Variants in DIP2C observed in about 807,000 individuals in gnomAD.
DIP2C encodes the protein DIP2 acetate--CoA ligase C (putative), also known as disco-interacting protein 2 homolog C.
DIP2C carries 33 observed loss-of-function variants against 192.4 expected under a neutral mutation model. The ratio of observed to expected loss-of-function variants is 0.17; its 90% CI spans 0.13 to 0.23. The LOEUF is 0.23. DIP2C is among the 10% of genes least tolerant of loss of function. DIP2C has a pLI of 1.00. For synonymous variants in DIP2C, 979 were observed against 864.1 expected (o/e 1.13, Z -2.33); for missense variants, 1,537 against 2,110.1 (o/e 0.73, Z 5.32).
chr10:399,190 C>T lies in DIP2C; in HGVS notation c.1179G>A (p.Pro393=), dbSNP rs757947561. ...CGTAGAAAGCCGCCATGAAGGCAGC[C>T]GGATCATTGTTGGGGAACACCAGTG... ...RVALVFPNND[P]AAFMAAFYGC... Residue 393 remains proline (P), a synonymous_variant, in exon 10 of 37, where the codon CCG becomes CCA. Transcript: ENST00000280886. The T allele has an allele frequency of 2.3e-5, 37 of 1,614,066 alleles. No homozygotes were observed. Among genetic ancestry groups the T allele is most frequent in the East Asian group, 1.6e-4 (7 of 44,882 alleles).
intron 10 of DIP2C, among the ~76,000 whole-genome samples, chr10:395,513 T>G (rs532393741): frequency 1.3e-5 from 2 of 152,352 alleles, no homozygotes; most frequent in East Asian, 3.9e-4. Flanking sequence ...GTCTCTGTAC[T>G]TCACCTGTGA....
intron 17 of DIP2C, 169 bp downstream of exon 17, chr10:382,478 C>A (rs977393881): frequency 1.7e-6 from 1 of 585,348 alleles, no homozygotes; most frequent in Admixed American, 3.1e-5. Flanking sequence ...CTAGGCTGTT[C>A]AAAAGAATCT....
At position 545,793 on chromosome 10, in the gene DIP2C, G is replaced by A. The variant is rs1408756753; in HGVS notation, c.86-59263C>T. On this transcript the variant is annotated intron_variant, in intron 1 of 36. Transcript: ENST00000280886. ...GGTGCAGTCCATCCTTTTCCATGTG[G>A]ATATCCAGTTGTCCCAGCACCACTA... Among the ~76,000 whole-genome samples, 5 of 152,076 alleles carry A rather than the reference G, an allele frequency of 3.3e-5. No individual in the cohort carries two copies. The East Asian group carries it at 9.6e-4, about 29-fold the overall frequency.
At chr10:638,553 A>G (rs1342458371) in intron 1 of DIP2C, among the ~76,000 whole-genome samples, 1 of 152,222 alleles carries the variant, frequency 6.6e-6, no homozygotes, top group Non-Finnish European at 1.5e-5. Context: ...TACTCAGAAA[A>G]CAAGACATAA....
At chr10:359,707 C>A in intron 22 of DIP2C, among the ~76,000 whole-genome samples, 1 of 152,294 alleles carries the variant, frequency 6.6e-6, no homozygotes, top group South Asian at 2.1e-4. Context: ...GATCTCAGAA[C>A]ACAACACCCG....
In DIP2C at chr10:277,122, C is replaced by G. The variant is rs540752014; in HGVS notation, c.*203G>C. On this transcript the variant is annotated 3_prime_UTR_variant, in exon 37 of 37. Transcript: ENST00000280886. ...GGCAGTAATCCAAAGTCCTTCTGAGCGAAATTCAGTGGTAAATTCACATTT... is the reference window on the plus strand; with the variant it reads ...GGCAGTAATCCAAAGTCCTTCTGAGGGAAATTCAGTGGTAAATTCACATTT... 2.4e-5 allele frequency: 16 copies of G among 671,280 alleles called. No individual in the cohort carries two copies. Among genetic ancestry groups the G allele is most frequent in the Non-Finnish European group, 3.5e-5 (15 of 433,650 alleles). 41.6% of individuals were successfully genotyped at this position (671,280 alleles called of 1,614,324 possible).
intron 17 of DIP2C, among the ~76,000 whole-genome samples, chr10:377,388 A>C (rs1961748105): frequency 2.0e-5 from 3 of 152,242 alleles, no homozygotes; most frequent in African/African-American, 7.2e-5. Context: ...TCACCACAAA[A>C]CAGAACACAC....
rs182270953 is a variant in DIP2C, at chr10:601,968, G to A, written c.85+87526C>T. On this transcript the variant is annotated intron_variant, in intron 1 of 36. Coordinates refer to ENST00000280886, the MANE Select transcript of DIP2C (RefSeq NM_014974.3). ...ACCGGCAGTTTAGCTAATCACTTAT[G>A]AGGCAGAGAATGGGTGTTTGAAGTC... Among the ~76,000 whole-genome samples, 384 of 152,162 alleles carry A rather than the reference G, an allele frequency of 2.5e-3. 1 individual carries two copies. The highest frequency in any genetic ancestry group is 0.01 in the Middle Eastern group (3 of 294).
chr10:414,852 TTGTGTGTGTGTGTGTGTGTG>T (rs748231177), intron 7 of DIP2C, among the ~76,000 whole-genome samples: 5 of 98,870 alleles, frequency 5.1e-5, no homozygotes, highest in African/African-American at 8.1e-5. Context: ...ACATATATAT[TTGTGTGTGTGTGTGTGTGTG>T]TGTGTGTGTG....
chr10:509,563 G>A (rs1366991371), intron 1 of DIP2C, among the ~76,000 whole-genome samples: 2 of 152,192 alleles, frequency 1.3e-5, no homozygotes, highest in African/African-American at 4.8e-5. Context: ...GAATATCTCA[G>A]GGACTCTGTG....
chr10:278,513 G>A (rs1295890799), intron 36 of DIP2C, among the ~76,000 whole-genome samples: 1 of 152,254 alleles, frequency 6.6e-6, no homozygotes, highest in East Asian at 1.9e-4. Flanking sequence ...AGAGCCACCA[G>A]TCCTGTGCCC....
At chr10:673,677 G>A (rs753684935) in intron 1 of DIP2C, among the ~76,000 whole-genome samples, 1 of 151,806 alleles carries the variant, frequency 6.6e-6, no homozygotes, top group Non-Finnish European at 1.5e-5. Context: ...TGGGGCATGG[G>A]AAACCTGTAT....
At chr10:401,802 C>T (rs1964474885) in intron 9 of DIP2C, among the ~76,000 whole-genome samples, 1 of 151,140 alleles carries the variant, frequency 6.6e-6, no homozygotes, top group South Asian at 2.1e-4. Context: ...GGTACATTTT[C>T]ATCAGCACAT....
chr10:495,151 A>G (rs1363678778), intron 1 of DIP2C, among the ~76,000 whole-genome samples: 1 of 151,892 alleles, frequency 6.6e-6, no homozygotes, highest in Non-Finnish European at 1.5e-5. Context: ...GCATGATCTC[A>G]CTTACATGTG....
Position 367,555 on chromosome 10 carries a change from C to T in DIP2C, c.2132-1144G>A, listed in dbSNP as rs1564622587. Among the ~76,000 whole-genome samples, 4 of 152,248 alleles carry T rather than the reference C, an allele frequency of 2.6e-5. No individual in the cohort carries two copies. The South Asian group carries it at 8.3e-4, about 32-fold the overall frequency. On this transcript the variant is annotated intron_variant, in intron 18 of 36. Coordinates refer to ENST00000280886, the MANE Select transcript of DIP2C (RefSeq NM_014974.3). ...CTGCTGCTTACCGCTCGGCAGGGTA[C>T]AGCTTCACAACCTTCGAAAAGACAA...
intron 1 of DIP2C, among the ~76,000 whole-genome samples, chr10:517,647 C>T (rs541554742): frequency 6.6e-6 from 1 of 152,282 alleles, no homozygotes; most frequent in African/African-American, 2.4e-5. Context: ...ATGATTCTAC[C>T]GAATGCCATT....
At chr10:503,293 A>C (rs1462204384) in intron 1 of DIP2C, among the ~76,000 whole-genome samples, 2 of 152,254 alleles carry the variant, frequency 1.3e-5, no homozygotes, top group Admixed American at 6.5e-5. Flanking sequence ...ACAAGCTAAA[A>C]GTTACATGAA....
intron 22 of DIP2C, among the ~76,000 whole-genome samples, chr10:358,368 AACAG>A (rs777257759): frequency 1.5e-3 from 225 of 151,106 alleles, no homozygotes; most frequent in Non-Finnish European, 2.7e-3. Context: ...GCTGTGGACA[AACAG>A]ACAGTGGACA....
At chr10:281,351 C>A in intron 35 of DIP2C, 28 bp from the exon 36 acceptor site, 1 of 1,587,870 alleles carries the variant, frequency 6.3e-7, no homozygotes, top group Non-Finnish European at 8.6e-7. Flanking sequence ...CCTGCGTAAG[C>A]TTCCCCATAA....
Sources: allele counts gnomAD v4.1 joint callset (sites outside exome capture counted in the v4.1 genomes callset), GRCh38; gene constraint gnomAD v4.1.1; transcripts MANE v1.5; gene names NCBI Gene and HGNC (gene_info 2026-07-23, HGNC 2026-07-21).